Variants in CNTN5 observed in about 807,000 individuals in gnomAD.
CNTN5 encodes the protein contactin 5.
CNTN5 carries 77 observed loss-of-function variants against 129.1 expected under a neutral mutation model. The ratio of observed to expected loss-of-function variants is 0.60; its 90% CI spans 0.50 to 0.72. CNTN5 has a LOEUF of 0.72. Ranked by LOEUF, CNTN5 falls within the 30% of genes least tolerant of loss-of-function variation. The probability of loss-of-function intolerance (pLI) is 0.00; values close to 1 mark genes in which losing one functional copy is unlikely to be tolerated. For synonymous variants in CNTN5, 509 were observed against 465.6 expected (o/e 1.09, Z -1.20); for missense variants, 1,478 against 1,328.8 (o/e 1.11, Z -1.75).
At chr11:100,194,074 A>C (rs532459794) in intron 15 of CNTN5, among the ~76,000 whole-genome samples, 2 of 152,128 alleles carry the variant, frequency 1.3e-5, no homozygotes, top group African/African-American at 4.8e-5. Context: ...AATTTTTTAC[A>C]AGCTATAGAG....
rs1438325108 is a variant in CNTN5, at chr11:99,806,802, TC to T, written c.56-12737del. Among the ~76,000 whole-genome samples the T allele has an allele frequency of 6.6e-5, 8 of 121,980 alleles. No individual in the cohort carries two copies. In the East Asian group the frequency reaches 1.9e-3, roughly 29 times the overall value. The allele number at this position is 121,980 out of a possible 152,430, so 80.0% of individuals were successfully genotyped here. A position where few individuals can be genotyped will look rare whatever the true frequency, so the allele number is the denominator to read the frequency against. Reference sequence around the variant, plus strand: ...AGCCTGGGCGACAGAGCAAGACTCTTCCCCCACCCCCTGCAAAAAAAAAAAA... The same window carrying T: ...AGCCTGGGCGACAGAGCAAGACTCTTCCCCACCCCCTGCAAAAAAAAAAAA... On this transcript the variant is annotated intron_variant, in intron 3 of 24. Transcript: ENST00000524871.
intron 13 of CNTN5, among the ~76,000 whole-genome samples, chr11:100,096,751 A>G (rs1945025854): frequency 6.6e-6 from 1 of 152,114 alleles, no homozygotes; most frequent in Admixed American, 6.6e-5. Context: ...CTACCAGCAT[A>G]TTAGTCTGCT....
chr11:99,124,710 T>G (rs970095398), intron 1 of CNTN5, among the ~76,000 whole-genome samples: 3 of 149,124 alleles, frequency 2.0e-5, no homozygotes, highest in Admixed American at 6.7e-5. Context: ...TAAGATAGAG[T>G]GCTAGCTAGA....
intron 12 of CNTN5, 75 bp from the exon 13 acceptor site, chr11:100,074,069 A>C: frequency 7.3e-7 from 1 of 1,372,806 alleles, no homozygotes; most frequent in Non-Finnish European, 1.0e-6. Flanking sequence ...AAAAAGTTAC[A>C]AGATCTTCAT....
At chr11:100,288,786 C>G (rs1950870307) in intron 18 of CNTN5, among the ~76,000 whole-genome samples, 1 of 151,830 alleles carries the variant, frequency 6.6e-6, no homozygotes, top group Admixed American at 6.6e-5. Flanking sequence ...AATAGAGACA[C>G]AAAAAACCCT....
chr11:99,789,390 G>A (rs571857847), intron 3 of CNTN5, among the ~76,000 whole-genome samples: 1 of 151,822 alleles, frequency 6.6e-6, no homozygotes, highest in African/African-American at 2.4e-5. Flanking sequence ...TTAAACTTGA[G>A]GAAAATAAGT....
intron 15 of CNTN5, among the ~76,000 whole-genome samples, chr11:100,220,113 T>TA (rs1949230182): frequency 6.6e-6 from 1 of 151,488 alleles, no homozygotes; most frequent in South Asian, 2.1e-4. Flanking sequence ...CTGTCTCTAC[T>TA]AAAAATACAA....
intron 13 of CNTN5, among the ~76,000 whole-genome samples, chr11:100,146,684 A>G (rs1421566): frequency 0.33 from 49,567 of 151,986 alleles, 8,289 homozygotes; most frequent in Non-Finnish European, 0.35. Flanking sequence ...TTGAAAATAT[A>G]ATATAGTTAG....
In CNTN5 at chr11:100,193,533, T is replaced by A. The variant is rs1565331069; in HGVS notation, c.1754T>A (p.Val585Glu). ...ELTPKRTELT[V>E]GESIVLNCKA... ...ACTCCTAAAAGAACAGAATTGACAG[T>A]GGGAGAAAGCATTGTCCTTAATTGC... is the stretch of plus-strand genomic sequence containing the variant. Residue 585 changes from valine (V) to glutamate (E), a missense_variant, in exon 15 of 25, where the codon GTG (valine) becomes GAG (glutamate). Physicochemically the swap from Val to Glu is moderately radical, Grantham distance 121. Transcript: ENST00000524871. 2 of 1,609,134 alleles carry A rather than the reference T, an allele frequency of 1.2e-6. No homozygotes were observed. Among genetic ancestry groups the A allele is most frequent in the African/African-American group, 1.3e-5 (1 of 74,800 alleles).
intron 9 of CNTN5, among the ~76,000 whole-genome samples, chr11:100,009,469 G>A (rs918484431): frequency 6.6e-6 from 1 of 152,040 alleles, no homozygotes; most frequent in African/African-American, 2.4e-5. Context: ...AAAATGGAGG[G>A]GGATTAATTA....
Position 100,002,148 on chromosome 11 carries a change from T to C in CNTN5, c.980+12T>C, listed in dbSNP as rs1354677265. The C allele has an allele frequency of 1.4e-6, 2 of 1,475,734 alleles. No homozygotes were observed. Among genetic ancestry groups the C allele is most frequent in the African/African-American group, 1.4e-5 (1 of 69,162 alleles). 91.4% of individuals were successfully genotyped at this position (1,475,734 alleles called of 1,614,324 possible). A position where few individuals can be genotyped will look rare whatever the true frequency, so the allele number is the denominator to read the frequency against. On this transcript the variant is annotated intron_variant, in intron 9 of 24. Transcript: ENST00000524871. ...TTTGCACTTGGCAAGTAAGTACATG[T>C]TCTTCCATAATTAAACACAATTTTT...
chr11:100,162,772 A>G (rs1370375699), intron 13 of CNTN5, among the ~76,000 whole-genome samples: 2 of 151,858 alleles, frequency 1.3e-5, no homozygotes, highest in African/African-American at 2.4e-5. Context: ...TTCCCTCTTC[A>G]TATTAATAGT....
chr11:99,509,134 ATGT>A (rs1208204524), intron 2 of CNTN5, among the ~76,000 whole-genome samples: 12 of 152,220 alleles, frequency 7.9e-5, no homozygotes, highest in African/African-American at 2.9e-4. Context: ...ATAAATCATC[ATGT>A]TGTACTATAC....
At chr11:99,970,406 T>G (rs1951217425) in intron 8 of CNTN5, among the ~76,000 whole-genome samples, 1 of 152,224 alleles carries the variant, frequency 6.6e-6, no homozygotes, top group Non-Finnish European at 1.5e-5. Flanking sequence ...TTTGCCTAAT[T>G]TGGTTTAAAA....
chr11:99,653,707 A>T (rs1952242943), intron 3 of CNTN5, among the ~76,000 whole-genome samples: 1 of 152,070 alleles, frequency 6.6e-6, no homozygotes, highest in Admixed American at 6.6e-5. Context: ...CAGCACTATA[A>T]CTTGCACTTT....
chr11:100,005,318 C>T (rs55756313), intron 9 of CNTN5, among the ~76,000 whole-genome samples: 34 of 152,226 alleles, frequency 2.2e-4, no homozygotes, highest in African/African-American at 7.5e-4. Context: ...CCTGCTCTCC[C>T]GTATTCTCTT....
chr11:99,564,244 G>C (rs1948935043), intron 3 of CNTN5, among the ~76,000 whole-genome samples: 1 of 151,908 alleles, frequency 6.6e-6, no homozygotes, highest in Non-Finnish European at 1.5e-5. Flanking sequence ...ACCACATCAG[G>C]GTAATTTTTT....
chr11:100,315,347 C>T (rs557811910), intron 21 of CNTN5, among the ~76,000 whole-genome samples: 4 of 152,216 alleles, frequency 2.6e-5, no homozygotes, highest in African/African-American at 9.6e-5. Context: ...GTACATGAAA[C>T]AATTCAAATC....
chr11:99,710,353 C>T (rs1320399718), intron 3 of CNTN5, among the ~76,000 whole-genome samples: 1 of 151,786 alleles, frequency 6.6e-6, no homozygotes, highest in Non-Finnish European at 1.5e-5. Flanking sequence ...TTTCTACAAA[C>T]CCTTTTGTTC....
Sources: allele counts gnomAD v4.1 joint callset (sites outside exome capture counted in the v4.1 genomes callset), GRCh38; gene constraint gnomAD v4.1.1; transcripts MANE v1.5; gene names NCBI Gene and HGNC (gene_info 2026-07-23, HGNC 2026-07-21).